MCTP1: variants seen among roughly 807,000 people sequenced by gnomAD.
The protein encoded by MCTP1 is multiple C2 and transmembrane domain containing 1.
In MCTP1, 69 loss-of-function variants were observed where a neutral mutation model predicts 120.6. The observed-to-expected ratio is 0.57, with a 90% CI of 0.47 to 0.70. MCTP1 has a LOEUF of 0.70. Ranked by LOEUF, MCTP1 falls within the 30% of genes least tolerant of loss-of-function variation. The pLI is 0.00. For missense variants in MCTP1, 1,203 were observed against 1,248.8 expected, an observed-to-expected ratio of 0.96 and a Z score of 0.55; for synonymous variants, 529 against 493.1, an observed-to-expected ratio of 1.07 and a Z score of -0.96.
intron 1 of MCTP1, among the ~76,000 whole-genome samples, chr5:95,069,269 C>T (rs115040606): frequency 1.2e-3 from 190 of 152,298 alleles, no homozygotes; most frequent in African/African-American, 4.4e-3. Flanking sequence ...CATAAACTAT[C>T]TACATAGCAT....
At chr5:95,173,077 T>C (rs1747538696) in intron 1 of MCTP1, among the ~76,000 whole-genome samples, 1 of 152,200 alleles carries the variant, frequency 6.6e-6, no homozygotes, top group Non-Finnish European at 1.5e-5. Context: ...TTGGAATTAT[T>C]TAGAACAAAT....
chr5:94,746,243 G>A (rs970181688), intron 19 of MCTP1, among the ~76,000 whole-genome samples: 1 of 152,134 alleles, frequency 6.6e-6, no homozygotes, highest in Non-Finnish European at 1.5e-5. Flanking sequence ...GACAATATCC[G>A]CCACACTTGA....
chr5:94,759,924 A>G (rs1401681147), intron 19 of MCTP1, among the ~76,000 whole-genome samples: 1 of 139,336 alleles, frequency 7.2e-6, no homozygotes. Flanking sequence ...AAAAAAAAAA[A>G]GCAGAGTGAC....
At chr5:94,747,428 AT>A (rs557553802) in intron 19 of MCTP1, among the ~76,000 whole-genome samples, 4 of 151,612 alleles carry the variant, frequency 2.6e-5, no homozygotes, top group East Asian at 1.9e-4. Flanking sequence ...TTCAGAAGTA[AT>A]TTTTTTTTCT....
rs547537925 is a variant in MCTP1 at position 94,842,350 on chromosome 5, C to T, written c.2436+25983G>A. 2.6e-5 allele frequency among the ~76,000 whole-genome samples: 4 copies of T among 152,278 alleles called. 1 individual carries two copies. In the South Asian group the frequency reaches 8.3e-4, roughly 32 times the overall value. On this transcript the variant is annotated intron_variant, in intron 17 of 22. Coordinates refer to ENST00000515393, the MANE Select transcript of MCTP1 (RefSeq NM_024717.7). ...TGTTTCCTTCCACATCAAAATTACA[C>T]ACACACATACTGGGTCTATAGATTG...
intron 17 of MCTP1, among the ~76,000 whole-genome samples, chr5:94,841,421 A>T (rs1455672752): frequency 6.6e-6 from 1 of 152,188 alleles, no homozygotes; most frequent in Non-Finnish European, 1.5e-5. Context: ...TGCTGTTGCT[A>T]CTTACCATTT....
intron 3 of MCTP1, among the ~76,000 whole-genome samples, chr5:94,947,577 T>TATATATATATATATATATAGAGAGAGAG: frequency 8.4e-5 from 4 of 47,400 alleles, no homozygotes; most frequent in Non-Finnish European, 1.6e-4. Flanking sequence ...TATATATATA[T>TATATATATATATATATATAGAGAGAGAG]AGAGAGAGAG....
intron 1 of MCTP1, among the ~76,000 whole-genome samples, chr5:95,149,175 G>A (rs958773669): frequency 6.6e-6 from 1 of 152,290 alleles, no homozygotes; most frequent in African/African-American, 2.4e-5. Context: ...CATTTCTTTT[G>A]TTAGGTGTTA....
At chr5:95,028,720 G>T (rs902607036) in intron 1 of MCTP1, among the ~76,000 whole-genome samples, 2 of 152,184 alleles carry the variant, frequency 1.3e-5, no homozygotes, top group African/African-American at 4.8e-5. Flanking sequence ...AACAGACTTT[G>T]TGTTGCAAGA....
At chr5:94,764,828 C>CAAAAAAAAAAAAAAAAAAAAAAA (rs57246943) in intron 19 of MCTP1, among the ~76,000 whole-genome samples, 2 of 90,978 alleles carry the variant, frequency 2.2e-5, no homozygotes, top group African/African-American at 4.0e-5. Flanking sequence ...TGACCTGGAC[C>CAAAAAAAAAAAAAAAAAAAAAAA]AAAAAAAAAA....
intron 1 of MCTP1, among the ~76,000 whole-genome samples, chr5:95,133,008 C>T (rs1161370172): frequency 6.6e-6 from 1 of 152,146 alleles, no homozygotes; most frequent in Non-Finnish European, 1.5e-5. Context: ...TAGATTGTGA[C>T]CAAGCTCTTT....
At chr5:94,965,235 CA>C (rs1825304009) in intron 2 of MCTP1, among the ~76,000 whole-genome samples, 1 of 152,106 alleles carries the variant, frequency 6.6e-6, no homozygotes, top group Non-Finnish European at 1.5e-5. Context: ...TCTTGGATGC[CA>C]TTTTTTTCTC....
chr5:94,789,422 C>T (rs1037375563), intron 18 of MCTP1: 1 of 152,164 alleles, frequency 6.6e-6, no homozygotes, highest in African/African-American at 2.4e-5. Flanking sequence ...TGACATGTCA[C>T]GTACTGGTAA....
intron 8 of MCTP1, 56 bp from the exon 9 acceptor site, chr5:94,913,032 T>C: frequency 7.2e-7 from 1 of 1,385,386 alleles, no homozygotes; most frequent in Non-Finnish European, 9.9e-7. Context: ...AAAAACCTCA[T>C]TTTGGCGTTA....
chr5:94,862,708 T>C lies in MCTP1; in HGVS notation c.2436+5625A>G, dbSNP rs75410116. Among the ~76,000 whole-genome samples, 1,217 of 151,934 alleles carry C rather than the reference T, an allele frequency of 8.0e-3. 11 individuals carry two copies. Among genetic ancestry groups the C allele is most frequent in the African/African-American group, 0.029 (1,186 of 41,496 alleles). ...TATAATTGCAGGAATTTATATGTAATGCACTATGAAAGGCAATGCTTAGGA... is the reference window on the plus strand; with the variant it reads ...TATAATTGCAGGAATTTATATGTAACGCACTATGAAAGGCAATGCTTAGGA... On this transcript the variant is annotated intron_variant, in intron 17 of 22. Transcript: ENST00000515393.
intron 1 of MCTP1, among the ~76,000 whole-genome samples, chr5:95,193,663 G>C (rs1280259474): frequency 6.6e-6 from 1 of 152,062 alleles, no homozygotes; most frequent in South Asian, 2.1e-4. Context: ...CATACAAGGA[G>C]CATACAAGTA....
At chr5:95,053,994 A>T (rs1469938188) in intron 1 of MCTP1, among the ~76,000 whole-genome samples, 1 of 152,254 alleles carries the variant, frequency 6.6e-6, no homozygotes, top group African/African-American at 2.4e-5. Flanking sequence ...TTGGTAAAAA[A>T]GTATCCAGGT....
At chr5:94,895,609 A>G (rs1803784030) in intron 10 of MCTP1, among the ~76,000 whole-genome samples, 1 of 152,252 alleles carries the variant, frequency 6.6e-6, no homozygotes, top group Non-Finnish European at 1.5e-5. Context: ...GAAATAGCCA[A>G]TTATAAGAAT....
chr5:95,046,892 AT>A (rs1744682502), intron 1 of MCTP1, among the ~76,000 whole-genome samples: 1 of 152,154 alleles, frequency 6.6e-6, no homozygotes, highest in Admixed American at 6.6e-5. Context: ...TATCAAATTG[AT>A]TTGAAGTTCA....
Sources: allele counts gnomAD v4.1 joint callset (sites outside exome capture counted in the v4.1 genomes callset), GRCh38; gene constraint gnomAD v4.1.1; transcripts MANE v1.5; gene names NCBI Gene and HGNC (gene_info 2026-07-23, HGNC 2026-07-21).